The following MACROD2 variants were observed in gnomAD, a reference collection of about 807,000 sequenced individuals.
The protein encoded by MACROD2 is ADP-ribose glycohydrolase MACROD2.
A neutral mutation model predicts 70.4 loss-of-function variants in MACROD2; 36 were observed. That is an observed-to-expected ratio of 0.51 (90% CI 0.39 to 0.68). The LOEUF (loss-of-function observed/expected upper bound fraction) is 0.68. Among genes scored for constraint, MACROD2 ranks in the 30% least tolerant of loss-of-function variants. The pLI, the probability that MACROD2 is intolerant of heterozygous loss-of-function variation, is 0.00. For synonymous variants in MACROD2, 172 were observed against 178.8 expected, an observed-to-expected ratio of 0.96 and a Z score of 0.30; for missense variants, 496 against 538.4, an observed-to-expected ratio of 0.92 and a Z score of 0.78.
At chr20:14,906,642 A>C (rs1412584670) in intron 5 of MACROD2, among the ~76,000 whole-genome samples, 4 of 152,186 alleles carry the variant, frequency 2.6e-5, no homozygotes, top group Non-Finnish European at 5.9e-5. Flanking sequence ...TTTTCAGAGT[A>C]AATAAATATC....
intron 6 of MACROD2, among the ~76,000 whole-genome samples, chr20:15,231,582 AG>A (rs73615571): frequency 0.16 from 25,080 of 152,006 alleles, 2,499 homozygotes; most frequent in Non-Finnish European, 0.24. Flanking sequence ...GCCAAGAAAA[AG>A]TAAGAAGTAA....
chr20:14,803,278 G>C (rs765700468), intron 5 of MACROD2, among the ~76,000 whole-genome samples: 30 of 152,016 alleles, frequency 2.0e-4, no homozygotes, highest in Non-Finnish European at 4.3e-4. Flanking sequence ...AGAATTGAAG[G>C]GAAATACAGG....
intron 5 of MACROD2, among the ~76,000 whole-genome samples, chr20:14,754,973 C>T (rs1321332471): frequency 6.6e-6 from 1 of 151,832 alleles, no homozygotes; most frequent in African/African-American, 2.4e-5. Context: ...AAATGGCTTA[C>T]GATAAGCAAA....
intron 3 of MACROD2, among the ~76,000 whole-genome samples, chr20:14,254,875 T>TG (rs2082040214): frequency 6.6e-6 from 1 of 152,132 alleles, no homozygotes; most frequent in Non-Finnish European, 1.5e-5. Flanking sequence ...TTGCAGTGGC[T>TG]GGTACCGGTT....
intron 6 of MACROD2, among the ~76,000 whole-genome samples, chr20:15,391,931 A>T (rs1239493464): frequency 6.6e-6 from 1 of 151,864 alleles, no homozygotes; most frequent in East Asian, 1.9e-4. Context: ...CTATTATTTA[A>T]TGTAAGTCAG....
In MACROD2 at chr20:15,891,168, G is replaced by A. The variant is rs370722680; in HGVS notation, c.775+5357G>A. Among the ~76,000 whole-genome samples the A allele has an allele frequency of 2.0e-5, 3 of 152,274 alleles. No homozygotes were observed. The East Asian group carries it at 5.8e-4, about 29-fold the overall frequency. On this transcript the variant is annotated intron_variant, in intron 10 of 17. Transcript: ENST00000684519. Reference sequence around the variant, plus strand: ...TCTTCTAGGGAGTTGAATTTGATCTGAGATTCAAAGGGTGAGAAGGGAGCA... The same window carrying A: ...TCTTCTAGGGAGTTGAATTTGATCTAAGATTCAAAGGGTGAGAAGGGAGCA...
intron 6 of MACROD2, among the ~76,000 whole-genome samples, chr20:15,403,307 G>T (rs1462806573): frequency 6.6e-6 from 1 of 151,940 alleles, no homozygotes; most frequent in Non-Finnish European, 1.5e-5. Context: ...TTCAAAAGGA[G>T]AAGTGGTATT....
rs6042882 is a variant in MACROD2 at position 14,726,498 on chromosome 20, G to C, written c.418+41539G>C. 8.2e-3 allele frequency among the ~76,000 whole-genome samples: 1,248 copies of C among 152,240 alleles called. 14 individuals carry two copies. Among genetic ancestry groups the C allele is most frequent in the African/African-American group, 0.028 (1,181 of 41,546 alleles). ...TTATCTGAGCAAGTGTCGATACTGA[G>C]ATCAAGACTTAGGTTTGCTAAACTC... On this transcript the variant is annotated intron_variant, in intron 5 of 17. Coordinates refer to ENST00000684519, the MANE Select transcript of MACROD2 (RefSeq NM_001351661.2).
Position 15,488,601 on chromosome 20 carries a change from G to A in MACROD2, c.572-11173G>A, listed in dbSNP as rs143073419. Reference sequence around the variant, plus strand: ...GAAGCCCCACTGGGGGGCTCCTAGCGTGGATGTGACATGGTGTGCTTTATG... The same window carrying A: ...GAAGCCCCACTGGGGGGCTCCTAGCATGGATGTGACATGGTGTGCTTTATG... On this transcript the variant is annotated intron_variant, in intron 7 of 17. Transcript: ENST00000684519. Among the ~76,000 whole-genome samples the A allele has an allele frequency of 2.6e-5, 4 of 152,320 alleles. No homozygotes were observed. In the East Asian group the frequency reaches 5.8e-4, roughly 22 times the overall value.
At chr20:14,830,162 C>G (rs2072948277) in intron 5 of MACROD2, among the ~76,000 whole-genome samples, 1 of 152,048 alleles carries the variant, frequency 6.6e-6, no homozygotes, top group Non-Finnish European at 1.5e-5. Flanking sequence ...GACCAGAATT[C>G]AGTGAAACCT....
At chr20:15,697,464 A>G (rs1418745827) in intron 8 of MACROD2, among the ~76,000 whole-genome samples, 1 of 152,062 alleles carries the variant, frequency 6.6e-6, no homozygotes, top group Non-Finnish European at 1.5e-5. Flanking sequence ...GGCCCCTTTT[A>G]TGTCCTATCT....
At chr20:14,995,801 A>C (rs1227799991) in intron 5 of MACROD2, among the ~76,000 whole-genome samples, 1 of 152,190 alleles carries the variant, frequency 6.6e-6, no homozygotes, top group Non-Finnish European at 1.5e-5. Flanking sequence ...TACGTATCGA[A>C]ACCTATGGGA....
rs1002793134 is a variant in MACROD2, at chr20:15,024,590, C to T, written c.419-205350C>T. 5.3e-5 allele frequency among the ~76,000 whole-genome samples: 8 copies of T among 151,916 alleles called. No homozygotes were observed. In the East Asian group the frequency reaches 1.5e-3, roughly 29 times the overall value. On this transcript the variant is annotated intron_variant, in intron 5 of 17. Coordinates refer to ENST00000684519, the MANE Select transcript of MACROD2 (RefSeq NM_001351661.2). Reference sequence around the variant, plus strand: ...CATATGGGAATTTTTAAGTGATACTCTATATTGCATTTTATATTAATATTA... The same window carrying T: ...CATATGGGAATTTTTAAGTGATACTTTATATTGCATTTTATATTAATATTA...
At chr20:15,712,124 A>C (rs1341661197) in intron 8 of MACROD2, among the ~76,000 whole-genome samples, 1 of 152,246 alleles carries the variant, frequency 6.6e-6, no homozygotes, top group Non-Finnish European at 1.5e-5. Context: ...AGCAGCCAAA[A>C]TGTTGTTCTA....
At chr20:15,542,180 G>A (rs1332759559) in intron 8 of MACROD2, among the ~76,000 whole-genome samples, 1 of 152,176 alleles carries the variant, frequency 6.6e-6, no homozygotes, top group South Asian at 2.1e-4. Flanking sequence ...GAGTCAGATC[G>A]ACATCTTCAT....
At chr20:15,110,885 T>G (rs2075948973) in intron 5 of MACROD2, among the ~76,000 whole-genome samples, 1 of 152,182 alleles carries the variant, frequency 6.6e-6, no homozygotes, top group South Asian at 2.1e-4. Flanking sequence ...CTTAGTAGCA[T>G]ATACCATTTT....
At chr20:15,389,538 TG>T (rs2045764491) in intron 6 of MACROD2, among the ~76,000 whole-genome samples, 1 of 152,244 alleles carries the variant, frequency 6.6e-6, no homozygotes, top group Non-Finnish European at 1.5e-5. Context: ...AGCACTCCCC[TG>T]GGGGTTCTGT....
chr20:14,674,111 T>C (rs1430100532), intron 4 of MACROD2, among the ~76,000 whole-genome samples: 1 of 152,166 alleles, frequency 6.6e-6, no homozygotes, highest in Non-Finnish European at 1.5e-5. Context: ...TTCGGTATAT[T>C]GTAAATTACT....
chr20:15,636,535 C>T (rs1569813), intron 8 of MACROD2, among the ~76,000 whole-genome samples: 114,951 of 152,046 alleles, frequency 0.76, 44,190 homozygotes, highest in Non-Finnish European at 0.84. Flanking sequence ...TCCCCTTGAC[C>T]TTGTTTGTAT....
Sources: gnomAD v4.1 joint callset for allele counts (sites outside exome capture counted in the v4.1 genomes callset) on GRCh38, gnomAD v4.1.1 for gene constraint, MANE v1.5 for transcripts, NCBI Gene and HGNC (gene_info 2026-07-23, HGNC 2026-07-21) for gene names.